Variants in PTPRD observed in about 807,000 individuals in gnomAD.
The protein encoded by PTPRD is receptor-type tyrosine-protein phosphatase delta.
In PTPRD, 34 loss-of-function variants were observed where a neutral mutation model predicts 214.5. The observed-to-expected ratio is 0.16, with a 90% CI of 0.12 to 0.21. PTPRD has a LOEUF of 0.21. Ranked by LOEUF, PTPRD falls within the 10% of genes least tolerant of loss-of-function variation. PTPRD has a pLI of 1.00. For synonymous variants in PTPRD, 1,128 were observed against 845.7 expected, an observed-to-expected ratio of 1.33 and a Z score of -5.79; for missense variants, 2,545 against 2,398.7, an observed-to-expected ratio of 1.06 and a Z score of -1.27.
intron 5 of PTPRD, among the ~76,000 whole-genome samples, chr9:9,886,728 G>A (rs556093280): frequency 7.8e-4 from 118 of 152,254 alleles, no homozygotes; most frequent in African/African-American, 2.8e-3. Context: ...AGTTAGGAAA[G>A]ACAATGCAGC....
intron 4 of PTPRD, among the ~76,000 whole-genome samples, chr9:9,946,188 A>C (rs529631942): frequency 6.6e-6 from 1 of 152,248 alleles, no homozygotes; most frequent in East Asian, 1.9e-4. Context: ...CTTCTTCACT[A>C]GATTGCAAGC....
chr9:8,333,588 C>T (rs1204726593), intron 43 of PTPRD, among the ~76,000 whole-genome samples: 2 of 152,080 alleles, frequency 1.3e-5, no homozygotes, highest in South Asian at 2.1e-4. Context: ...TGGTACCAGC[C>T]ACTGCAAAAA....
rs111549329 is a variant in PTPRD, at chr9:9,694,898, G to A, written c.-287+39635C>T. 3.2e-3 allele frequency among the ~76,000 whole-genome samples: 481 copies of A among 152,238 alleles called. 1 individual carries two copies. In the Middle Eastern group the frequency reaches 0.048, roughly 15 times the overall value. On this transcript the variant is annotated intron_variant, in intron 7 of 45. Transcript: ENST00000381196. ...GACCTTGGTCAGGTCCAGAAATGCC[G>A]TCCAAGAGCCTAAGCCTGGACTCGG...
chr9:10,013,734 T>C (rs1158063734), intron 4 of PTPRD, among the ~76,000 whole-genome samples: 1 of 151,988 alleles, frequency 6.6e-6, no homozygotes, highest in Non-Finnish European at 1.5e-5. Context: ...TCAGAATTGT[T>C]TTTCAAGGTG....
chr9:8,397,481 T>C lies in PTPRD; in HGVS notation c.4210+7056A>G, dbSNP rs185341570. Among the ~76,000 whole-genome samples, 294 of 152,300 alleles carry C rather than the reference T, an allele frequency of 1.9e-3. 2 individuals are homozygous for C. The highest frequency in any genetic ancestry group is 6.9e-3 in the African/African-American group (285 of 41,576). Reference sequence around the variant, plus strand: ...TAGGTTTTTTTGGTTTTGTTTTACTTATTGAAAATACATCCAGTTACCAGA... The same window carrying C: ...TAGGTTTTTTTGGTTTTGTTTTACTCATTGAAAATACATCCAGTTACCAGA... On this transcript the variant is annotated intron_variant, in intron 36 of 45. Coordinates refer to ENST00000381196, the MANE Select transcript of PTPRD (RefSeq NM_002839.4).
intron 3 of PTPRD, among the ~76,000 whole-genome samples, chr9:10,228,670 T>C (rs551991781): frequency 6.6e-6 from 1 of 151,290 alleles, no homozygotes; most frequent in South Asian, 2.1e-4. Flanking sequence ...AAGAGGGTAA[T>C]TTTTAAAAAA....
chr9:9,969,906 G>A (rs1238360476), intron 4 of PTPRD, among the ~76,000 whole-genome samples: 1 of 152,072 alleles, frequency 6.6e-6, no homozygotes, highest in African/African-American at 2.4e-5. Context: ...CTGGCCTCTG[G>A]CATTTCTAAG....
chr9:9,988,366 T>C (rs919378633), intron 4 of PTPRD, among the ~76,000 whole-genome samples: 1 of 152,192 alleles, frequency 6.6e-6, no homozygotes, highest in African/African-American at 2.4e-5. Flanking sequence ...CTGTTTATTA[T>C]GAATGCCAAC....
chr9:9,618,067 ATCTC>A (rs2094999484), intron 7 of PTPRD, among the ~76,000 whole-genome samples: 1 of 100,794 alleles, frequency 9.9e-6, no homozygotes, highest in Non-Finnish European at 1.9e-5. Flanking sequence ...GCGAGACTCC[ATCTC>A]AAAAAAAAAA....
intron 7 of PTPRD, among the ~76,000 whole-genome samples, chr9:9,591,873 T>C (rs1005423037): frequency 6.6e-6 from 1 of 152,062 alleles, no homozygotes; most frequent in Admixed American, 6.6e-5. Context: ...TTGTCAACTA[T>C]AGGCACTCTA....
chr9:10,607,193 A>G (rs1185555307), intron 2 of PTPRD, among the ~76,000 whole-genome samples: 1 of 151,800 alleles, frequency 6.6e-6, no homozygotes, highest in Non-Finnish European at 1.5e-5. Context: ...TTTTTGCTTC[A>G]TGGTTATTTC....
intron 11 of PTPRD, among the ~76,000 whole-genome samples, chr9:8,986,067 G>C (rs1293538854): frequency 1.3e-5 from 2 of 151,970 alleles, no homozygotes; most frequent in Non-Finnish European, 2.9e-5. Flanking sequence ...AAAAAGCTTG[G>C]AAGGACCTTG....
intron 7 of PTPRD, among the ~76,000 whole-genome samples, chr9:9,668,611 G>C (rs1480183487): frequency 6.6e-6 from 1 of 152,006 alleles, no homozygotes; most frequent in Non-Finnish European, 1.5e-5. Context: ...TCAGCATAAA[G>C]AGAAATTCAG....
chr9:9,679,615 T>A (rs2097021148), intron 7 of PTPRD, among the ~76,000 whole-genome samples: 1 of 151,866 alleles, frequency 6.6e-6, no homozygotes. Context: ...TGTGGGAACT[T>A]TTATGAAGTA....
At chr9:9,938,409 G>T (rs755320006) in intron 5 of PTPRD, 98 bp downstream of exon 5, 2 of 152,076 alleles carry the variant, frequency 1.3e-5, no homozygotes, top group African/African-American at 2.4e-5. Context: ...AGCGTAAAAG[G>T]GTTGATGGAG....
chr9:8,588,723 A>G (rs1468585181), intron 14 of PTPRD, among the ~76,000 whole-genome samples: 1 of 152,240 alleles, frequency 6.6e-6, no homozygotes, highest in African/African-American at 2.4e-5. Flanking sequence ...GATAATGCAA[A>G]GAAAACCAGA....
At chr9:9,574,848 A>C (rs1414172377) in intron 7 of PTPRD, 67 bp from the exon 8 acceptor site, 1 of 152,142 alleles carries the variant, frequency 6.6e-6, no homozygotes, top group African/African-American at 2.4e-5. Flanking sequence ...AAGAACCTTA[A>C]GAGGTTAGTA....
At chr9:10,175,079 T>C (rs950443331) in intron 3 of PTPRD, among the ~76,000 whole-genome samples, 7 of 152,060 alleles carry the variant, frequency 4.6e-5, no homozygotes, top group Admixed American at 1.3e-4. Flanking sequence ...TATTTGACAA[T>C]AAAGCCTTAG....
At chr9:9,962,929 A>G (rs866293834) in intron 4 of PTPRD, among the ~76,000 whole-genome samples, 2 of 152,106 alleles carry the variant, frequency 1.3e-5, no homozygotes, top group Admixed American at 6.5e-5. Context: ...GTCAAACACT[A>G]GAAATATAAT....
Sources: gnomAD v4.1 joint callset for allele counts (sites outside exome capture counted in the v4.1 genomes callset) on GRCh38, gnomAD v4.1.1 for gene constraint, MANE v1.5 for transcripts, NCBI Gene and HGNC (gene_info 2026-07-23, HGNC 2026-07-21) for gene names.